The following CACNA2D1 variants were observed in gnomAD, a reference collection of about 807,000 sequenced individuals.
CACNA2D1 encodes the protein calcium voltage-gated channel auxiliary subunit alpha2delta 1.
In CACNA2D1, 53 loss-of-function variants were observed where a neutral mutation model predicts 171.5. The ratio of observed to expected loss-of-function variants is 0.31; its 90% confidence interval spans 0.25 to 0.39. The LOEUF (loss-of-function observed/expected upper bound fraction) is 0.39. Among genes scored for constraint, CACNA2D1 ranks in the 10% least tolerant of loss-of-function variants. The pLI is 1.00. For synonymous variants in CACNA2D1, 442 were observed against 443.1 expected (o/e 1.00, Z 0.03); for missense variants, 903 against 1,299.8 (o/e 0.69, Z 4.69).
intron 6 of CACNA2D1, among the ~76,000 whole-genome samples, chr7:82,104,347 G>C (rs258678): frequency 1.1e-3 from 171 of 152,050 alleles, no homozygotes; most frequent in African/African-American, 3.9e-3. Context: ...TGAAAATGAA[G>C]CATACTGATA....
intron 3 of CACNA2D1, among the ~76,000 whole-genome samples, chr7:82,267,641 C>T (rs1808032459): frequency 6.6e-6 from 1 of 152,126 alleles, no homozygotes; most frequent in Non-Finnish European, 1.5e-5. Context: ...TCCTCATTTA[C>T]AACAGCAAAC....
At chr7:82,014,149 T>G (rs1390330869) in intron 13 of CACNA2D1, among the ~76,000 whole-genome samples, 1 of 152,134 alleles carries the variant, frequency 6.6e-6, no homozygotes, top group East Asian at 1.9e-4. Context: ...TATATATCAT[T>G]CAGTATAATT....
intron 12 of CACNA2D1, chr7:82,029,640 G>A (rs920017706): frequency 1.4e-4 from 21 of 151,738 alleles, no homozygotes; most frequent in African/African-American, 5.1e-4. Context: ...ATGTAAGAGA[G>A]GTCATGCCAA....
At chr7:81,970,790 C>T in intron 26 of CACNA2D1, 53 bp from the exon 27 acceptor site, 1 of 1,050,742 alleles carries the variant, frequency 9.5e-7, no homozygotes, top group Non-Finnish European at 1.5e-6. Flanking sequence ...TTCTAAAAAA[C>T]AAAGTTAGGT....
chr7:82,173,557 T>C (rs560318967), intron 3 of CACNA2D1, among the ~76,000 whole-genome samples: 1 of 152,042 alleles, frequency 6.6e-6, no homozygotes, highest in Non-Finnish European at 1.5e-5. Flanking sequence ...TACTAAACTT[T>C]AGAGACTTAG....
intron 3 of CACNA2D1, among the ~76,000 whole-genome samples, chr7:82,248,619 T>C (rs1805214160): frequency 6.6e-6 from 1 of 152,164 alleles, no homozygotes; most frequent in South Asian, 2.1e-4. Flanking sequence ...CTTGCACCTA[T>C]TGCCAATTGA....
At chr7:81,960,589 T>C (rs185348546) in intron 36 of CACNA2D1, among the ~76,000 whole-genome samples, 1 of 152,246 alleles carries the variant, frequency 6.6e-6, no homozygotes, top group East Asian at 1.9e-4. Context: ...TTTATCATTA[T>C]ACATTTTGCA....
intron 18 of CACNA2D1, among the ~76,000 whole-genome samples, chr7:82,004,507 T>C (rs1798930925): frequency 6.6e-6 from 1 of 151,906 alleles, no homozygotes; most frequent in South Asian, 2.1e-4. Context: ...TCAATATCAA[T>C]AGTTCTCTTA....
intron 6 of CACNA2D1, among the ~76,000 whole-genome samples, chr7:82,101,512 T>C (rs1426538540): frequency 1.3e-5 from 2 of 152,208 alleles, no homozygotes; most frequent in Admixed American, 6.5e-5. Context: ...TTTTAAAGTA[T>C]ACTTTATTGA....
At chr7:82,125,259 G>A (rs1790204982) in intron 5 of CACNA2D1, among the ~76,000 whole-genome samples, 1 of 152,178 alleles carries the variant, frequency 6.6e-6, no homozygotes, top group Admixed American at 6.6e-5. Flanking sequence ...ATTCTAGGTT[G>A]AACTTACTTC....
At position 82,303,763 on chromosome 7, in the gene CACNA2D1, C is replaced by A. The variant is rs144006322; in HGVS notation, c.294+31372G>T. Among the ~76,000 whole-genome samples, 241 of 152,198 alleles carry A rather than the reference C, an allele frequency of 1.6e-3. 1 individual carries two copies. Among genetic ancestry groups the A allele is most frequent in the African/African-American group, 5.5e-3 (229 of 41,540 alleles). The stretch of plus-strand genomic sequence containing the variant: ...TGTAAGATCCAAAACTATAAAATTA[C>A]TACAAGAGAAGATAGGGGAGACACT... On this transcript the variant is annotated intron_variant, in intron 3 of 38. Transcript: ENST00000356860.
chr7:82,110,023 T>G (rs892454438), intron 6 of CACNA2D1, among the ~76,000 whole-genome samples: 1 of 152,274 alleles, frequency 6.6e-6, no homozygotes. Flanking sequence ...GGCTCAGATT[T>G]TTTTGTATAA....
Position 82,014,497 on chromosome 7 carries a change from T to C in CACNA2D1, c.1144-18A>G, listed in dbSNP as rs78174406. The C allele has an allele frequency of 7.4e-3, 9,971 of 1,354,720 alleles. 62 individuals are homozygous for C. The highest frequency in any genetic ancestry group is 9.0e-3 in the Non-Finnish European group (8,509 of 943,724). 83.9% of individuals were successfully genotyped at this position (1,354,720 alleles called of 1,614,324 possible). Reference sequence around the variant, plus strand: ...ACACGTACCTGGATGAATTGAAAAATAGGTATTCATTAGGCTGAATAAAAT... The same window carrying C: ...ACACGTACCTGGATGAATTGAAAAACAGGTATTCATTAGGCTGAATAAAAT... On this transcript the variant is annotated intron_variant, in intron 12 of 38. Coordinates refer to ENST00000356860, the MANE Select transcript of CACNA2D1 (RefSeq NM_000722.4).
At chr7:82,108,403 C>T (rs543424826) in intron 6 of CACNA2D1, among the ~76,000 whole-genome samples, 7 of 152,216 alleles carry the variant, frequency 4.6e-5, no homozygotes, top group African/African-American at 1.4e-4. Flanking sequence ...GGCCACCAAC[C>T]CTTTCAGATT....
intron 3 of CACNA2D1, among the ~76,000 whole-genome samples, chr7:82,274,141 C>T (rs933608150): frequency 2.0e-5 from 3 of 152,074 alleles, no homozygotes; most frequent in Admixed American, 6.6e-5. Flanking sequence ...ACAGAGCCTG[C>T]GCACTAACCC....
At chr7:82,039,748 A>G (rs994844289) in intron 10 of CACNA2D1, among the ~76,000 whole-genome samples, 2 of 152,164 alleles carry the variant, frequency 1.3e-5, no homozygotes, top group African/African-American at 2.4e-5. Flanking sequence ...AAGAGCACAA[A>G]GGAAGAACAT....
chr7:81,997,167 G>T lies in CACNA2D1; in HGVS notation c.1662+12C>A, dbSNP rs748486095. On this transcript the variant is annotated intron_variant, in intron 19 of 38. Coordinates refer to ENST00000356860, the MANE Select transcript of CACNA2D1 (RefSeq NM_000722.4). ...ACCTGAGGAATTGTTTAGTCTTACT[G>T]ATTCCACTCACCTCCACTTTAATAT... 1.3e-6 allele frequency: 2 copies of T among 1,505,652 alleles called. No individual in the cohort carries two copies. The highest frequency in any genetic ancestry group is 1.8e-6 in the Non-Finnish European group (2 of 1,081,102). 93.3% of individuals were successfully genotyped at this position (1,505,652 alleles called of 1,614,324 possible). A position where few individuals can be genotyped will look rare whatever the true frequency, so the allele number is the denominator to read the frequency against.
intron 24 of CACNA2D1, among the ~76,000 whole-genome samples, chr7:81,975,210 C>T (rs1795713109): frequency 6.6e-6 from 1 of 152,022 alleles, no homozygotes; most frequent in Non-Finnish European, 1.5e-5. Context: ...TAGGTTCTCT[C>T]TGTATTATTT....
At chr7:82,305,289 T>C (rs1813576945) in intron 3 of CACNA2D1, among the ~76,000 whole-genome samples, 1 of 152,136 alleles carries the variant, frequency 6.6e-6, no homozygotes, top group South Asian at 2.1e-4. Context: ...AGGATGATAA[T>C]AAAGGGAACC....
Sources: allele counts gnomAD v4.1 joint callset (sites outside exome capture counted in the v4.1 genomes callset), GRCh38; gene constraint gnomAD v4.1.1; transcripts MANE v1.5; gene names NCBI Gene and HGNC (gene_info 2026-07-23, HGNC 2026-07-21).